TENM4: variants seen among roughly 807,000 people sequenced by gnomAD.
TENM4 encodes teneurin transmembrane protein 4.
TENM4 carries 82 observed loss-of-function variants against 243.3 expected under a neutral mutation model. That is an observed-to-expected ratio of 0.34 (90% CI 0.28 to 0.40). The LOEUF is 0.40. Among genes scored for constraint, TENM4 ranks in the 10% least tolerant of loss-of-function variants. TENM4 has a pLI of 1.00. For missense variants in TENM4, 3,138 were observed against 3,673.3 expected, an observed-to-expected ratio of 0.85 and a Z score of 3.77; for synonymous variants, 1,412 against 1,456.3, an observed-to-expected ratio of 0.97 and a Z score of 0.69.
chr11:79,001,772 T>C (rs912152114), intron 6 of TENM4, among the ~76,000 whole-genome samples: 2 of 152,134 alleles, frequency 1.3e-5, no homozygotes, highest in African/African-American at 4.8e-5. Context: ...AGTTTGGCCA[T>C]GCCTACTTGC....
At chr11:79,048,307 C>T (rs1415257132) in intron 6 of TENM4, among the ~76,000 whole-genome samples, 1 of 152,102 alleles carries the variant, frequency 6.6e-6, no homozygotes, top group African/African-American at 2.4e-5. Flanking sequence ...TGACCAAACA[C>T]TCCCTATCCT....
intron 3 of TENM4, among the ~76,000 whole-genome samples, chr11:79,164,957 A>ATATGTGTGTGTG (rs1555020448): frequency 1.8e-4 from 25 of 139,932 alleles, no homozygotes; most frequent in South Asian, 4.8e-4. Context: ...CTATATATAT[A>ATATGTGTGTGTG]TGTGTGTGTG....
At chr11:79,102,740 A>G (rs2137082050) in intron 4 of TENM4, among the ~76,000 whole-genome samples, 1 of 152,318 alleles carries the variant, frequency 6.6e-6, no homozygotes, top group Admixed American at 6.5e-5. Flanking sequence ...CAATACACAC[A>G]TTCTGTATCT....
chr11:78,875,075 C>A (rs1191100458), intron 9 of TENM4, among the ~76,000 whole-genome samples: 1 of 152,340 alleles, frequency 6.6e-6, no homozygotes, highest in Non-Finnish European at 1.5e-5. Context: ...ACATTCATAA[C>A]CTGGCCTCCT....
intron 18 of TENM4, among the ~76,000 whole-genome samples, chr11:78,758,527 G>A (rs1856361999): frequency 6.6e-6 from 1 of 152,162 alleles, no homozygotes; most frequent in Non-Finnish European, 1.5e-5. Flanking sequence ...CATAAATAAT[G>A]TGGGAGTAAC....
intron 12 of TENM4, among the ~76,000 whole-genome samples, chr11:78,849,865 G>A (rs539970624): frequency 6.4e-4 from 98 of 152,334 alleles, no homozygotes; most frequent in Non-Finnish European, 1.2e-3. Flanking sequence ...ACTGCAATGA[G>A]TGAATTATAG....
At position 78,775,100 on chromosome 11, in the gene TENM4, A is replaced by G. The variant is rs183785967; in HGVS notation, c.2392+3502T>C. ...TTCTTATTGTAGAAAGTCACACTGA[A>G]TATCAATATATTAAAGGCTCCAAGA... is the stretch of plus-strand genomic sequence containing the variant. On this transcript the variant is annotated intron_variant, in intron 17 of 33. Coordinates refer to ENST00000278550, the MANE Select transcript of TENM4 (RefSeq NM_001098816.3). Among the ~76,000 whole-genome samples the G allele has an allele frequency of 6.0e-4, 92 of 152,324 alleles. 1 individual carries two copies. The highest frequency in any genetic ancestry group is 2.1e-3 in the African/African-American group (88 of 41,568).
At chr11:79,379,754 A>C (rs1474299981) in intron 1 of TENM4, among the ~76,000 whole-genome samples, 7 of 152,232 alleles carry the variant, frequency 4.6e-5, no homozygotes, top group African/African-American at 1.7e-4. Context: ...ATCCTGTTCC[A>C]GAGCCCATAC....
At chr11:78,670,753 G>A (rs891049421) in intron 31 of TENM4, among the ~76,000 whole-genome samples, 6 of 152,194 alleles carry the variant, frequency 3.9e-5, no homozygotes, top group African/African-American at 1.4e-4. Flanking sequence ...GTGCCAAGAT[G>A]AGGCTTTCTC....
intron 12 of TENM4, among the ~76,000 whole-genome samples, chr11:78,820,717 A>G (rs1445621925): frequency 1.3e-5 from 2 of 152,248 alleles, no homozygotes; most frequent in Non-Finnish European, 2.9e-5. Flanking sequence ...AGACACATGG[A>G]AACTCCCCAT....
rs1010487118 is a variant in TENM4 at position 79,439,078 on chromosome 11, C to G, written c.-321+1431G>C. ...TTGCCCGCGATGCCGCTCAGCAGAT[C>G]TCTCTCCTTACTCGGCCTCAGAGCT... On this transcript the variant is annotated intron_variant, in intron 1 of 33. Transcript: ENST00000278550. The G allele has an allele frequency of 4.6e-5, 7 of 152,044 alleles. No individual in the cohort carries two copies. The East Asian group carries it at 1.4e-3, about 30-fold the overall frequency. The allele number at this position is 152,044 out of a possible 1,614,324, so 9.4% of individuals were successfully genotyped here.
At chr11:79,405,458 T>A (rs899308542) in intron 1 of TENM4, among the ~76,000 whole-genome samples, 5 of 150,424 alleles carry the variant, frequency 3.3e-5, no homozygotes, top group African/African-American at 1.2e-4. Flanking sequence ...CATTTAGAAT[T>A]GTAGAAGAAG....
intron 22 of TENM4, among the ~76,000 whole-genome samples, chr11:78,727,259 T>C (rs1005438766): frequency 2.2e-4 from 34 of 152,166 alleles, no homozygotes; most frequent in Middle Eastern, 3.4e-3. Context: ...CCATCCTGGC[T>C]AACATGGTGA....
At chr11:78,821,647 T>A (rs1460770520) in intron 12 of TENM4, among the ~76,000 whole-genome samples, 1 of 152,172 alleles carries the variant, frequency 6.6e-6, no homozygotes, top group Non-Finnish European at 1.5e-5. Flanking sequence ...CCAGAAAGAT[T>A]AAAGAACTTG....
chr11:79,244,993 G>T (rs1389287955), intron 2 of TENM4, among the ~76,000 whole-genome samples: 2 of 152,184 alleles, frequency 1.3e-5, no homozygotes, highest in African/African-American at 4.8e-5. Context: ...CCTTCAGAAA[G>T]CCTTCCTTGA....
chr11:78,890,741 T>C (rs1180486600), intron 8 of TENM4, among the ~76,000 whole-genome samples: 1 of 152,172 alleles, frequency 6.6e-6, no homozygotes, highest in Admixed American at 6.5e-5. Context: ...CGGGGTATGG[T>C]CAAAGCACAT....
chr11:79,317,644 A>G (rs1856824465), intron 1 of TENM4, among the ~76,000 whole-genome samples: 1 of 152,234 alleles, frequency 6.6e-6, no homozygotes. Context: ...TCAAGGTCAT[A>G]TGGCATATCA....
intron 1 of TENM4, among the ~76,000 whole-genome samples, chr11:79,404,196 G>T (rs1858520743): frequency 1.3e-5 from 2 of 152,200 alleles, no homozygotes; most frequent in Admixed American, 6.5e-5. Context: ...TTGTGGAAAA[G>T]AAAATCTGCT....
chr11:79,043,597 C>A (rs1329020051), intron 6 of TENM4, among the ~76,000 whole-genome samples: 2 of 152,174 alleles, frequency 1.3e-5, no homozygotes, highest in Middle Eastern at 3.2e-3. Context: ...CATAAATTAA[C>A]CCTCTGTTGT....
Sources: allele counts gnomAD v4.1 joint callset (sites outside exome capture counted in the v4.1 genomes callset), GRCh38; gene constraint gnomAD v4.1.1; transcripts MANE v1.5; gene names NCBI Gene and HGNC (gene_info 2026-07-23, HGNC 2026-07-21).